The following APOB variants were observed in gnomAD, a reference collection of about 807,000 sequenced individuals.
APOB encodes apolipoprotein B, also known as apolipoprotein B-100.
In APOB, 153 loss-of-function variants were observed where a neutral mutation model predicts 314.1. That is an observed-to-expected ratio of 0.49 (90% CI 0.43 to 0.56). The LOEUF is 0.56. APOB is among the 20% of genes least tolerant of loss of function. The pLI is 0.00. For missense variants in APOB, 5,430 were observed against 5,350.7 expected, an observed-to-expected ratio of 1.01 and a Z score of -0.46; for synonymous variants, 2,087 against 2,036.4, an observed-to-expected ratio of 1.02 and a Z score of -0.67.
Position 21,001,607 on chromosome 2 carries a change from C to T in APOB, c.*123G>A. 6.5e-6 allele frequency: 6 copies of T among 917,430 alleles called. No individual in the cohort carries two copies. The highest frequency in any genetic ancestry group is 1.0e-5 in the Non-Finnish European group (6 of 592,118). 56.8% of individuals were successfully genotyped at this position (917,430 alleles called of 1,614,324 possible). On this transcript the variant is annotated 3_prime_UTR_variant, in exon 29 of 29. Transcript: ENST00000233242. Reference sequence around the variant, plus strand: ...GTTCATATGTGCTTCTGCTTATAGTCTACTGCCTACTGCAAGGCTGGCTCA... The same window carrying T: ...GTTCATATGTGCTTCTGCTTATAGTTTACTGCCTACTGCAAGGCTGGCTCA...
chr2:21,039,809 C>A (rs555715676), intron 4 of APOB, among the ~76,000 whole-genome samples: 11 of 152,300 alleles, frequency 7.2e-5, no homozygotes, highest in African/African-American at 2.6e-4. Flanking sequence ...TGCCACCATA[C>A]CCCTCTCCCT....
Position 21,043,937 on chromosome 2 carries a change from C to T in APOB, c.9G>A (p.Pro3=), listed in dbSNP as rs1426179585. The T allele has an allele frequency of 1.5e-6, 2 of 1,352,186 alleles. No homozygotes were observed. The highest frequency in any genetic ancestry group is 1.5e-5 in the African/African-American group (1 of 65,192). 83.8% of individuals were successfully genotyped at this position (1,352,186 alleles called of 1,614,324 possible). A position where few individuals can be genotyped will look rare whatever the true frequency, so the allele number is the denominator to read the frequency against. The change falls in exon 1 of 29, where the codon CCG becomes CCA. Residue 3 remains proline (P), a synonymous_variant. Coordinates refer to ENST00000233242, the MANE Select transcript of APOB (RefSeq NM_000384.3). MD[P]PRPALLALLA... is the part of the protein sequence containing the mutation. ...GCAGCGCCAGCAGCGCGGGCCTCGG[C>T]GGGTCCATCGCCAGCTGCGGTGGGG...
Position 21,011,255 on chromosome 2 carries a change from G to A in APOB, c.5613C>T (p.Asp1871=). The A allele has an allele frequency of 1.2e-6, 2 of 1,614,220 alleles. No homozygotes were observed. Among genetic ancestry groups the A allele is most frequent in the Non-Finnish European group, 1.7e-6 (2 of 1,180,020 alleles). Residue 1871 remains aspartate, a synonymous_variant, in exon 26 of 29, where the codon GAC becomes GAT. Transcript: ENST00000233242. The part of the protein sequence containing the change: ...GVEFSHRLNT[D]IAGLASAIDM... ...CAATGGCTGAAGCCAGCCCAGCGATGTCTGTGTTGAGCCGATGGCTAAACT... is the reference window on the plus strand; with the variant it reads ...CAATGGCTGAAGCCAGCCCAGCGATATCTGTGTTGAGCCGATGGCTAAACT...
At position 21,013,529 on chromosome 2, in the gene APOB, C is replaced by A. The variant is rs2103361101; in HGVS notation, c.3847G>T (p.Gly1283Cys). 1.2e-6 allele frequency: 2 copies of A among 1,614,146 alleles called. No homozygotes were observed. Among genetic ancestry groups the A allele is most frequent in the Non-Finnish European group, 1.7e-6 (2 of 1,180,034 alleles). The change falls in exon 25 of 29, where the codon GGC becomes TGC. Residue 1283 changes from glycine to cysteine, a missense_variant. By Grantham distance (159) the Gly-to-Cys change is radical. This residue lies in a region of APOB where 2,085 missense variants were observed against 2,079.7 expected (regional missense o/e 1.00). Coordinates refer to ENST00000233242, the MANE Select transcript of APOB (RefSeq NM_000384.3). ...TTGTTCAAGGTATATTTGACCCGGC[C>A]ATCGCTGAAATGAACAACAAAGATA... ...IPENLFLKSD[G>C]RVKYTLNKNS...
chr2:21,011,832 C>G lies in APOB; in HGVS notation c.5036G>C (p.Gly1679Ala), dbSNP rs374483624. ...NELNAELGLS[G>A]ASMKLTTNGR... is the part of the protein sequence containing the mutation. Reference sequence around the variant, plus strand: ...ATTTGTTGTTAATTTCATAGATGCCCCAGAGAGGCCAAGCTCTGCATTCAG... The same window carrying G: ...ATTTGTTGTTAATTTCATAGATGCCGCAGAGAGGCCAAGCTCTGCATTCAG... Residue 1679 changes from glycine (G) to alanine (A), a missense_variant, in exon 26 of 29, where the codon GGG becomes GCG. Gly to Ala is a moderately conservative substitution (Grantham distance 60). Around this residue, in one of 3 missense-constraint regions of APOB, gnomAD observed 2,085 missense variants for 2,079.7 expected, o/e 1.00. Coordinates refer to ENST00000233242, the MANE Select transcript of APOB (RefSeq NM_000384.3). 3.1e-6 allele frequency: 5 copies of G among 1,613,952 alleles called. No homozygotes were observed. The African/African-American group carries it at 5.3e-5, about 17-fold the overall frequency.
At chr2:21,021,186 C>T (rs909170571) in intron 18 of APOB, among the ~76,000 whole-genome samples, 3 of 152,196 alleles carry the variant, frequency 2.0e-5, no homozygotes, top group African/African-American at 7.2e-5. Context: ...ACCAGAAGCT[C>T]TCCCACTGTA....
intron 26 of APOB, 97 bp downstream of exon 26, chr2:21,004,983 A>G: frequency 6.6e-7 from 1 of 1,511,882 alleles, no homozygotes. Context: ...GACATTGAGT[A>G]ATTGTACATC....
intron 9 of APOB, among the ~76,000 whole-genome samples, chr2:21,032,956 A>G (rs981581549): frequency 6.6e-6 from 1 of 152,016 alleles, no homozygotes; most frequent in African/African-American, 2.4e-5. Flanking sequence ...AAATCATATT[A>G]TATTTTTCGT....
Position 21,038,126 on chromosome 2 carries a change from G to A in APOB, c.384-15C>T. 3 of 1,613,392 alleles carry A rather than the reference G, an allele frequency of 1.9e-6. No individual in the cohort carries two copies. Among genetic ancestry groups the A allele is most frequent in the Non-Finnish European group, 1.7e-6 (2 of 1,179,994 alleles). On this transcript the variant is annotated splice_polypyrimidine_tract_variant and intron_variant, in intron 4 of 28. Transcript: ENST00000233242. Reference sequence around the variant, plus strand: ...TGAGCTCATACCTGTCCCAGAGAGAGGATGGTCACGGAAATGTCCTTCTCC... The same window carrying A: ...TGAGCTCATACCTGTCCCAGAGAGAAGATGGTCACGGAAATGTCCTTCTCC...
Position 21,004,671 on chromosome 2 carries a change from C to T in APOB, c.11793G>A (p.Leu3931=), listed in dbSNP as rs1432886910. ...VQFLEYELNV[L]GTHKIEDGTL... is the part of the protein sequence containing the mutation. ...TACCATCTTCGATTTTGTGTGTTCC[C>T]AAAACTGTATAGGAGAGATTTTGTA... The change falls in exon 27 of 29, where the codon TTG becomes TTA. Residue 3931 remains leucine (L), a synonymous_variant. Coordinates refer to ENST00000233242, the MANE Select transcript of APOB (RefSeq NM_000384.3). 6.2e-7 allele frequency: 1 copy of T among 1,609,472 alleles called. No individual in the cohort carries two copies.
In APOB at chr2:21,001,550, C is replaced by A. The variant is rs12720763; in HGVS notation, c.*180G>T. 3.1e-3 allele frequency: 1,900 copies of A among 604,946 alleles called. 21 individuals are homozygous for A. The highest frequency in any genetic ancestry group is 0.025 in the African/African-American group (1,310 of 53,428). 37.5% of individuals were successfully genotyped at this position (604,946 alleles called of 1,614,324 possible). ...CATCCTTCTGAGTTCAGAGACCTTCCGAGCCCTGGTGCCAGCTTTGGTGCA... is the reference window on the plus strand; with the variant it reads ...CATCCTTCTGAGTTCAGAGACCTTCAGAGCCCTGGTGCCAGCTTTGGTGCA... On this transcript the variant is annotated 3_prime_UTR_variant, in exon 29 of 29. Coordinates refer to ENST00000233242, the MANE Select transcript of APOB (RefSeq NM_000384.3).
rs1663429897 is a variant in APOB, at chr2:21,015,077, A to G, written c.3692T>C (p.Ile1231Thr). The G allele has an allele frequency of 5.0e-6, 8 of 1,613,874 alleles. No homozygotes were observed. The highest frequency in any genetic ancestry group is 6.8e-6 in the Non-Finnish European group (8 of 1,179,804). The change falls in exon 23 of 29, where the codon ATA becomes ACA. Residue 1231 changes from isoleucine to threonine, a missense_variant. By Grantham distance (89) the Ile-to-Thr change is moderately conservative (BLOSUM62 -1). Around this residue, in one of 3 missense-constraint regions of APOB, gnomAD observed 2,085 missense variants for 2,079.7 expected, o/e 1.00. Transcript: ENST00000233242. ...GACTGGCAGACTCATACTTACAACT[A>G]TTAATTTGGAACCCACGTGCCGGAA... ...MTFRHVGSKL[I>T]VAMSSWLQKA...
In APOB at chr2:21,004,280, A is replaced by C. The variant is rs763756090; in HGVS notation, c.12076T>G (p.Tyr4026Asp). 1.9e-6 allele frequency: 3 copies of C among 1,613,922 alleles called. No individual in the cohort carries two copies. Among genetic ancestry groups the C allele is most frequent in the Admixed American group, 3.3e-5 (2 of 59,984 alleles). ...TAGGTGGTATTTACCTGAGGGCTGT[A>C]GTAGAAGTTCCATTTAGAAAAGTCG... ...DDDFSKWNFY[Y>D]SPQSSPDKKL... The change falls in exon 28 of 29, where the codon TAC (tyrosine) becomes GAC (aspartate). Residue 4026 changes from tyrosine (Y) to aspartate (D), a missense_variant. This residue lies in a region of APOB where 3,281 missense variants were observed against 3,171.0 expected (regional missense o/e 1.03). Transcript: ENST00000233242.
At position 21,034,821 on chromosome 2, in the gene APOB, C is replaced by A. The variant is rs1395904887; in HGVS notation, c.899G>T (p.Gly300Val). The change falls in exon 8 of 29, where the codon GGT becomes GTT. Residue 300 changes from glycine to valine, a missense_variant. By Grantham distance (109) the Gly-to-Val change is moderately radical. Coordinates refer to ENST00000233242, the MANE Select transcript of APOB (RefSeq NM_000384.3). The stretch of plus-strand genomic sequence containing the variant: ...ATGTGGACAGAAACTCTTACCTTCA[C>A]CAAAGAAGCGGCTGTTGATCTTTGG... ...DTPKINSRFFGEGTKKMGLAF... is the reference protein window; with the variant it reads ...DTPKINSRFFVEGTKKMGLAF... The A allele has an allele frequency of 6.3e-7, 1 of 1,586,102 alleles. No homozygotes were observed.
intron 17 of APOB, 55 bp downstream of exon 17, chr2:21,023,470 T>G: frequency 6.3e-7 from 1 of 1,588,948 alleles, no homozygotes. Context: ...TAACAAGAAA[T>G]GCACCCTGGA....
rs1663320551 is a variant in APOB, at chr2:21,011,521, T to A, written c.5347A>T (p.Thr1783Ser). The change falls in exon 26 of 29, where the codon ACT becomes TCT. Residue 1783 changes from threonine (T) to serine (S), a missense_variant. By Grantham distance (58) the Thr-to-Ser change is moderately conservative (BLOSUM62 1). Coordinates refer to ENST00000233242, the MANE Select transcript of APOB (RefSeq NM_000384.3). ...TAGGGCTGTAGCTGTAAATTAACAG[T>A]TTGCTTATAAAACTTGTCAGAGCTG... ...IYSSDKFYKQ[T>S]VNLQLQPYSL... 1.2e-6 allele frequency: 2 copies of A among 1,614,150 alleles called. No homozygotes were observed. Among genetic ancestry groups the A allele is most frequent in the Non-Finnish European group, 1.7e-6 (2 of 1,180,016 alleles).
intron 24 of APOB, among the ~76,000 whole-genome samples, chr2:21,014,014 A>G (rs1663405403): frequency 6.6e-6 from 1 of 152,204 alleles, no homozygotes; most frequent in South Asian, 2.1e-4. Flanking sequence ...TGATTTGTGG[A>G]AAGAACATAG....
At chr2:21,042,914 C>T (rs567869275) in intron 2 of APOB, among the ~76,000 whole-genome samples, 160 of 151,648 alleles carry the variant, frequency 1.1e-3, no homozygotes, top group Non-Finnish European at 2.0e-3. Context: ...ACTAACTTAA[C>T]AAACTCCTAG....
chr2:21,020,210 T>C (rs916344171), intron 18 of APOB, among the ~76,000 whole-genome samples: 5 of 152,202 alleles, frequency 3.3e-5, no homozygotes, highest in Non-Finnish European at 5.9e-5. Context: ...AGCTGATCAC[T>C]GGGGCTGAAC....
Sources: allele counts gnomAD v4.1 joint callset (sites outside exome capture counted in the v4.1 genomes callset), GRCh38; gene constraint gnomAD v4.1.1; regional missense constraint gnomAD v4.1.1; transcripts MANE v1.5; gene names NCBI Gene and HGNC (gene_info 2026-07-23, HGNC 2026-07-21).